Variants in OBI1 observed in about 807,000 individuals in gnomAD.
The protein encoded by OBI1 is ring finger protein 219.
A neutral mutation model predicts 62.4 loss-of-function variants in OBI1; 59 were observed. The observed-to-expected ratio is 0.95, with a 90% CI of 0.77 to 1.17. OBI1 has a LOEUF of 1.17. Ranked by LOEUF, OBI1 falls within the 50% of genes most tolerant of loss-of-function variation. The pLI is 0.00. For missense variants in OBI1, 875 were observed against 830.9 expected, an observed-to-expected ratio of 1.05 and a Z score of -0.65; for synonymous variants, 302 against 292.8, an observed-to-expected ratio of 1.03 and a Z score of -0.32.
intron 5 of OBI1, chr13:78,617,417 G>T (rs1875348734): frequency 3.6e-6 from 1 of 276,016 alleles, no homozygotes; most frequent in Non-Finnish European, 6.8e-6. Context: ...AGAGCTGGCT[G>T]TATCAATTCA....
At position 78,644,771 on chromosome 13, in the gene OBI1, G is replaced by T. The variant is rs1230887905; in HGVS notation, c.208+91C>A. 5 of 1,409,910 alleles carry T rather than the reference G, an allele frequency of 3.5e-6. No individual in the cohort carries two copies. The African/African-American group carries it at 5.7e-5, about 16-fold the overall frequency. 87.3% of individuals were successfully genotyped at this position (1,409,910 alleles called of 1,614,324 possible). On this transcript the variant is annotated intron_variant, in intron 2 of 5. Transcript: ENST00000282003. Reference sequence around the variant, plus strand: ...ATTATGTTGGCCAAATAGCATCACTGAAAATAGCCTATTTCAGTCTTCCTC... The same window carrying T: ...ATTATGTTGGCCAAATAGCATCACTTAAAATAGCCTATTTCAGTCTTCCTC...
At chr13:78,650,099 G>A (rs534472529) in intron 1 of OBI1, among the ~76,000 whole-genome samples, 8 of 152,178 alleles carry the variant, frequency 5.3e-5, no homozygotes, top group Non-Finnish European at 1.2e-4. Flanking sequence ...ATTAATTAAC[G>A]TAGGTGTGTA....
At chr13:78,624,027 T>C (rs893000029) in intron 5 of OBI1, among the ~76,000 whole-genome samples, 6 of 152,222 alleles carry the variant, frequency 3.9e-5, no homozygotes, top group Non-Finnish European at 8.8e-5. Flanking sequence ...GTGCTATGTA[T>C]AGAAAGTATG....
chr13:78,656,953 T>C (rs1373921250), intron 1 of OBI1, among the ~76,000 whole-genome samples: 1 of 151,588 alleles, frequency 6.6e-6, no homozygotes, highest in Non-Finnish European at 1.5e-5. Context: ...ACCCAGCAAA[T>C]TTTGTATTTT....
In OBI1 at chr13:78,616,199, C is replaced by T. The variant is rs200737834; in HGVS notation, c.1562G>A (p.Arg521Gln). 3.3e-5 allele frequency: 53 copies of T among 1,614,050 alleles called. 1 individual carries two copies. In the East Asian group the frequency reaches 8.0e-4, roughly 24 times the overall value. ...LNSIRSFEMN[R>Q]TRTSSEASMD... is the part of the protein sequence containing the mutation. ...CGATGCTTCACTGGATGTTCTTGTCCGGTTCATTTCAAAAGAGCGAATAGA... is the reference window on the plus strand; with the variant it reads ...CGATGCTTCACTGGATGTTCTTGTCTGGTTCATTTCAAAAGAGCGAATAGA... Residue 521 changes from arginine to glutamine, a missense_variant, in exon 6 of 6, where the codon CGG (arginine) becomes CAG (glutamine). By Grantham distance (43) the Arg-to-Gln change is conservative. Transcript: ENST00000282003.
chr13:78,642,003 T>C (rs1876230639), intron 3 of OBI1, 119 bp downstream of exon 3: 1 of 457,868 alleles, frequency 2.2e-6, no homozygotes, highest in Non-Finnish European at 3.9e-6. Context: ...TTTCTTTTTA[T>C]AGGCTTTTAA....
At chr13:78,627,956 G>T (rs552675119) in intron 5 of OBI1, among the ~76,000 whole-genome samples, 2 of 152,100 alleles carry the variant, frequency 1.3e-5, no homozygotes, top group African/African-American at 4.8e-5. Context: ...AGATACTGGG[G>T]GCTTTGGAAA....
At position 78,638,849 on chromosome 13, in the gene OBI1, T is replaced by C. The variant is rs1876110054; in HGVS notation, c.523A>G (p.Lys175Glu). The C allele has an allele frequency of 1.2e-6, 2 of 1,613,372 alleles. No homozygotes were observed. Among genetic ancestry groups the C allele is most frequent in the Non-Finnish European group, 1.7e-6 (2 of 1,179,810 alleles). Residue 175 changes from lysine (K) to glutamate (E), a missense_variant, in exon 4 of 6, where the codon AAA (lysine) becomes GAA (glutamate). Lys to Glu is a moderately conservative substitution (Grantham distance 56, BLOSUM62 1). Transcript: ENST00000282003. ...RTANEIYEKV[K>E]DDVDKLKEAN... ...TCCTTTAGCTTATCCACATCATCTT[T>C]CACTTTTTCATAGATTTCATTAGCT...
intron 5 of OBI1, among the ~76,000 whole-genome samples, chr13:78,630,761 A>C (rs1259891620): frequency 6.6e-6 from 1 of 152,122 alleles, no homozygotes; most frequent in Non-Finnish European, 1.5e-5. Context: ...TTGGACTTCT[A>C]AGCCTCCAGA....
intron 5 of OBI1, among the ~76,000 whole-genome samples, chr13:78,630,800 T>C (rs1270720469): frequency 1.3e-5 from 2 of 152,184 alleles, no homozygotes; most frequent in Non-Finnish European, 2.9e-5. Flanking sequence ...CTGTTGCTTA[T>C]AAGCCAATCA....
intron 5 of OBI1, among the ~76,000 whole-genome samples, chr13:78,633,354 C>T (rs1226997292): frequency 2.0e-5 from 3 of 152,172 alleles, no homozygotes; most frequent in African/African-American, 7.2e-5. Flanking sequence ...GTTATCTCTG[C>T]CTCCAGTAAT....
intron 3 of OBI1, 83 bp downstream of exon 3, chr13:78,642,039 C>CT: frequency 1.6e-6 from 1 of 615,528 alleles, no homozygotes; most frequent in Non-Finnish European, 2.9e-6. Context: ...GATATTTACT[C>CT]TAAGAAGTCT....
intron 1 of OBI1, among the ~76,000 whole-genome samples, chr13:78,657,299 A>C (rs1593804774): frequency 1.3e-5 from 2 of 151,596 alleles, no homozygotes; most frequent in Non-Finnish European, 2.9e-5. Flanking sequence ...GAAAAAAAAA[A>C]CACTAAAAAT....
At chr13:78,631,896 G>A (rs1274402296) in intron 5 of OBI1, among the ~76,000 whole-genome samples, 1 of 152,062 alleles carries the variant, frequency 6.6e-6, no homozygotes, top group Non-Finnish European at 1.5e-5. Context: ...TTATGGTATT[G>A]TTTTTAAAAG....
At position 78,659,127 on chromosome 13, in the gene OBI1, G is replaced by A. The variant is rs774802490; in HGVS notation, c.-7C>T. Reference sequence around the variant, plus strand: ...TCTGCACGGTCTGAGCCATGGCAGCGTTCAGAATCCCGCCAACACGGAAGT... The same window carrying A: ...TCTGCACGGTCTGAGCCATGGCAGCATTCAGAATCCCGCCAACACGGAAGT... On this transcript the variant is annotated 5_prime_UTR_variant, in exon 1 of 6. In the 5' UTR this introduces an upstream ATG that the reference lacks. Coordinates refer to ENST00000282003, the MANE Select transcript of OBI1 (RefSeq NM_024546.4). 4 of 1,609,090 alleles carry A rather than the reference G, an allele frequency of 2.5e-6. No individual in the cohort carries two copies. The highest frequency in any genetic ancestry group is 4.5e-5 in the East Asian group (2 of 44,546).
chr13:78,624,552 A>T (rs1875608403), intron 5 of OBI1, among the ~76,000 whole-genome samples: 1 of 152,214 alleles, frequency 6.6e-6, no homozygotes, highest in Non-Finnish European at 1.5e-5. Flanking sequence ...ACTGCAGAAC[A>T]AAATTTTAAA....
In OBI1 at chr13:78,635,110, T is replaced by G. The variant is rs750554971; in HGVS notation, c.638A>C (p.Lys213Thr). The change falls in exon 5 of 6, where the codon AAG becomes ACG. Residue 213 changes from lysine (K) to threonine (T), a missense_variant and splice_region_variant. Coordinates refer to ENST00000282003, the MANE Select transcript of OBI1 (RefSeq NM_024546.4). Reference sequence around the variant, plus strand: ...ATTGCTCTGGGAGCAAAATACATACTTTTGAGGTGATCTGTTATCAACTTC... The same window carrying G: ...ATTGCTCTGGGAGCAAAATACATACGTTTGAGGTGATCTGTTATCAACTTC... ...KAEVDNRSPQ[K>T]FGRFAVAALQ... is the part of the protein sequence containing the mutation. 6.3e-6 allele frequency: 10 copies of G among 1,589,538 alleles called. No homozygotes were observed. Among genetic ancestry groups the G allele is most frequent in the Non-Finnish European group, 8.6e-6 (10 of 1,160,334 alleles).
chr13:78,635,138 C>A lies in OBI1; in HGVS notation c.610G>T (p.Ala204Ser). ...GLVRENLRLK[A>S]EVDNRSPQKF... ...TGAGGTGATCTGTTATCAACTTCAG[C>A]CTTCAGTCGTAAATTCTCCCTCACC... The change falls in exon 5 of 6, where the codon GCT becomes TCT. Residue 204 changes from alanine (A) to serine (S), a missense_variant. Physicochemically the swap from Ala to Ser is moderately conservative, Grantham distance 99. Coordinates refer to ENST00000282003, the MANE Select transcript of OBI1 (RefSeq NM_024546.4). The A allele has an allele frequency of 6.2e-7, 1 of 1,610,426 alleles. No homozygotes were observed. The highest frequency in any genetic ancestry group is 8.5e-7 in the Non-Finnish European group (1 of 1,177,630).
In OBI1 at chr13:78,616,179, C is replaced by A. The variant is rs1369894296; in HGVS notation, c.1582G>T (p.Ala528Ser). The change falls in exon 6 of 6, where the codon GCA (alanine) becomes TCA (serine). Residue 528 changes from alanine to serine, a missense_variant. Coordinates refer to ENST00000282003, the MANE Select transcript of OBI1 (RefSeq NM_024546.4). ...TCAAGGTAAGCAGCATCCATCGATG[C>A]TTCACTGGATGTTCTTGTCCGGTTC... ...EMNRTRTSSE[A>S]SMDAAYLDKI... 5 of 1,614,010 alleles carry A rather than the reference C, an allele frequency of 3.1e-6. No homozygotes were observed. The highest frequency in any genetic ancestry group is 8.5e-7 in the Non-Finnish European group (1 of 1,180,038).
Sources: allele counts gnomAD v4.1 joint callset (sites outside exome capture counted in the v4.1 genomes callset), GRCh38; gene constraint gnomAD v4.1.1; transcripts MANE v1.5; gene names NCBI Gene and HGNC (gene_info 2026-07-23, HGNC 2026-07-21).